GNAQ: variants seen among roughly 807,000 people sequenced by gnomAD.
GNAQ encodes guanine nucleotide-binding protein G(q) subunit alpha.
A neutral mutation model predicts 43.9 loss-of-function variants in GNAQ; 8 were observed. The observed-to-expected ratio is 0.18, with a 90% confidence interval of 0.11 to 0.33. The LOEUF is 0.33. Ranked by LOEUF, GNAQ falls within the 10% of genes least tolerant of loss-of-function variation. GNAQ has a pLI of 1.00. For synonymous variants in GNAQ, 155 were observed against 170.7 expected, an observed-to-expected ratio of 0.91 and a Z score of 0.71; for missense variants, 158 against 450.8, an observed-to-expected ratio of 0.35 and a Z score of 5.88.
chr9:77,984,863 C>T (rs990064835), intron 1 of GNAQ, among the ~76,000 whole-genome samples: 1 of 152,104 alleles, frequency 6.6e-6, no homozygotes, highest in Non-Finnish European at 1.5e-5. Flanking sequence ...ATGGAGCAAT[C>T]CTCCAACATC....
intron 2 of GNAQ, among the ~76,000 whole-genome samples, chr9:77,826,375 T>C (rs1435739746): frequency 6.6e-6 from 1 of 152,192 alleles, no homozygotes; most frequent in Non-Finnish European, 1.5e-5. Context: ...CTGAGAATTA[T>C]GTTGAATCTG....
At chr9:77,891,855 A>AT (rs572836951) in intron 2 of GNAQ, among the ~76,000 whole-genome samples, 48 of 152,288 alleles carry the variant, frequency 3.2e-4, no homozygotes, top group African/African-American at 1.0e-3. Context: ...CTTCAAGCAC[A>AT]TTTTAGACTC....
chr9:77,789,692 T>C (rs546160310), intron 5 of GNAQ, among the ~76,000 whole-genome samples: 1 of 152,294 alleles, frequency 6.6e-6, no homozygotes, highest in African/African-American at 2.4e-5. Flanking sequence ...AAATACACTA[T>C]TCCACAATCG....
rs551186791 is a variant in GNAQ, at chr9:77,996,171, C to T, written c.136+34929G>A. Among the ~76,000 whole-genome samples, 140 of 152,276 alleles carry T rather than the reference C, an allele frequency of 9.2e-4. 2 individuals are homozygous for T. The highest frequency in any genetic ancestry group is 7.7e-3 in the Admixed American group (117 of 15,288). On this transcript the variant is annotated intron_variant, in intron 1 of 6. Transcript: ENST00000286548. ...GGACAGCAAAGCTCCTCAACATGCA[C>T]CTAAAAATGCTTTGCTGTTCCCAGG... is the stretch of plus-strand genomic sequence containing the variant.
At chr9:77,811,743 GC>G (rs912052925) in intron 3 of GNAQ, among the ~76,000 whole-genome samples, 1 of 152,132 alleles carries the variant, frequency 6.6e-6, no homozygotes, top group Admixed American at 6.5e-5. Flanking sequence ...TAACACTCGG[GC>G]CTCCTGGCAC....
chr9:77,874,060 G>A (rs528896094), intron 2 of GNAQ, among the ~76,000 whole-genome samples: 41 of 146,846 alleles, frequency 2.8e-4, no homozygotes, highest in Admixed American at 2.5e-3. Context: ...AGCTGAGATC[G>A]CACCATTGCA....
At chr9:77,972,677 G>C (rs559439689) in intron 1 of GNAQ, among the ~76,000 whole-genome samples, 1 of 152,292 alleles carries the variant, frequency 6.6e-6, no homozygotes, top group Non-Finnish European at 1.5e-5. Flanking sequence ...TTACTGGCCA[G>C]TTACGGTAGC....
chr9:77,980,240 A>G (rs566246962), intron 1 of GNAQ, among the ~76,000 whole-genome samples: 1 of 152,332 alleles, frequency 6.6e-6, no homozygotes, highest in Non-Finnish European at 1.5e-5. Context: ...ATGTGTATAT[A>G]GCAAAAAGCA....
rs549474095 is a variant in GNAQ at position 77,740,190 on chromosome 9, T to A, written c.736-11523A>T. On this transcript the variant is annotated intron_variant, in intron 5 of 6. Transcript: ENST00000286548. ...CTTTGGCCAACATGATAGGGTGGTATCAGTGGATAAGAATTTGGTCTGCCT... is the reference window on the plus strand; with the variant it reads ...CTTTGGCCAACATGATAGGGTGGTAACAGTGGATAAGAATTTGGTCTGCCT... Among the ~76,000 whole-genome samples the A allele has an allele frequency of 1.2e-4, 18 of 152,314 alleles. No homozygotes were observed. The South Asian group carries it at 3.5e-3, about 30-fold the overall frequency.
intron 2 of GNAQ, among the ~76,000 whole-genome samples, chr9:77,850,219 C>G (rs1307302186): frequency 6.6e-6 from 1 of 152,228 alleles, no homozygotes; most frequent in Non-Finnish European, 1.5e-5. Flanking sequence ...TGGTTTTCTT[C>G]TCATTTATCT....
intron 5 of GNAQ, among the ~76,000 whole-genome samples, chr9:77,761,893 G>GT (rs1826035880): frequency 8.5e-6 from 1 of 117,832 alleles, no homozygotes; most frequent in African/African-American, 3.2e-5. Flanking sequence ...CATCCGGGAG[G>GT]GAGGTGGGGG....
chr9:78,003,708 G>A (rs1210093682), intron 1 of GNAQ, among the ~76,000 whole-genome samples: 2 of 151,812 alleles, frequency 1.3e-5, no homozygotes, highest in Non-Finnish European at 2.9e-5. Context: ...CCCAGCTACT[G>A]GGGAGGCTGA....
At chr9:77,869,818 A>G (rs1828007472) in intron 2 of GNAQ, among the ~76,000 whole-genome samples, 1 of 152,128 alleles carries the variant, frequency 6.6e-6, no homozygotes, top group Non-Finnish European at 1.5e-5. Flanking sequence ...CAGTCCTCAA[A>G]AGCCTGACAC....
chr9:77,805,060 G>GA (rs904390143), intron 3 of GNAQ, among the ~76,000 whole-genome samples: 8 of 150,466 alleles, frequency 5.3e-5, no homozygotes, highest in Admixed American at 1.3e-4. Context: ...GGAAAAAAGT[G>GA]AAAAAAAAAT....
chr9:77,993,373 T>C (rs1192340509), intron 1 of GNAQ, among the ~76,000 whole-genome samples: 1 of 152,164 alleles, frequency 6.6e-6, no homozygotes, highest in Non-Finnish European at 1.5e-5. Flanking sequence ...TGTTGATTTA[T>C]GTGTACTAAT....
intron 1 of GNAQ, among the ~76,000 whole-genome samples, chr9:78,004,256 G>A (rs908044542): frequency 9.0e-5 from 13 of 144,058 alleles, no homozygotes; most frequent in Non-Finnish European, 1.8e-4. Context: ...CAGCCTGGAC[G>A]ACAGAGTAAG....
At chr9:77,988,660 T>G (rs1296166380) in intron 1 of GNAQ, among the ~76,000 whole-genome samples, 1 of 152,176 alleles carries the variant, frequency 6.6e-6, no homozygotes, top group Non-Finnish European at 1.5e-5. Context: ...GGCCTGGCAG[T>G]GTGTGCAAGT....
At chr9:77,834,924 A>G (rs1827359170) in intron 2 of GNAQ, among the ~76,000 whole-genome samples, 1 of 152,194 alleles carries the variant, frequency 6.6e-6, no homozygotes, top group East Asian at 1.9e-4. Context: ...GGCTGTCACC[A>G]TACTGGTTGA....
chr9:77,818,901 AAGGC>A lies in GNAQ; in HGVS notation c.322-3135_322-3132del, dbSNP rs1473727053. 2.0e-5 allele frequency among the ~76,000 whole-genome samples: 3 copies of A among 149,868 alleles called. No homozygotes were observed. In the East Asian group the frequency reaches 6.0e-4, roughly 30 times the overall value. On this transcript the variant is annotated intron_variant, in intron 2 of 6. Coordinates refer to ENST00000286548, the MANE Select transcript of GNAQ (RefSeq NM_002072.5). The stretch of plus-strand genomic sequence containing the variant: ...TGTAGTCCCAGCTACTTGGGAAGCT[AAGGC>A]AGCAGGATCACTTGAGCCCAGGAGT...
Sources: allele counts gnomAD v4.1 joint callset (sites outside exome capture counted in the v4.1 genomes callset), GRCh38; gene constraint gnomAD v4.1.1; transcripts MANE v1.5; gene names NCBI Gene and HGNC (gene_info 2026-07-23, HGNC 2026-07-21).